The following ENOX1 variants were observed in gnomAD, a reference collection of about 807,000 sequenced individuals.
ENOX1 encodes the protein candidate growth-related and time keeping constitutive hydroquinone (NADH) oxidase.
Under a neutral mutation model 82.5 loss-of-function variants are expected in ENOX1, and 42 were observed. The observed-to-expected ratio is 0.51, with a 90% CI of 0.40 to 0.66. The LOEUF (loss-of-function observed/expected upper bound fraction) is 0.66, where lower values mean the gene tolerates loss of function less well. Among genes scored for constraint, ENOX1 ranks in the 30% least tolerant of loss-of-function variants. The pLI is 0.00. For missense variants in ENOX1, 608 were observed against 811.6 expected, an observed-to-expected ratio of 0.75 and a Z score of 3.05; for synonymous variants, 271 against 282.2, an observed-to-expected ratio of 0.96 and a Z score of 0.40.
At chr13:43,430,240 G>A (rs1312922391) in intron 3 of ENOX1, among the ~76,000 whole-genome samples, 1 of 152,158 alleles carries the variant, frequency 6.6e-6, no homozygotes, top group East Asian at 1.9e-4. Context: ...ACTCTTTAGT[G>A]TCCTCCCTTT....
chr13:43,545,148 A>G (rs538262961), intron 2 of ENOX1: 4 of 152,276 alleles, frequency 2.6e-5, no homozygotes, highest in East Asian at 3.9e-4. Flanking sequence ...ACAACCTTCA[A>G]TGGTATCTCT....
At chr13:43,688,180 G>A (rs2086171776) in intron 1 of ENOX1, among the ~76,000 whole-genome samples, 1 of 32,198 alleles carries the variant, frequency 3.1e-5, no homozygotes, top group African/African-American at 1.2e-4. Context: ...ACATAGATTT[G>A]GGAGTGGTAT....
At chr13:43,566,976 T>C (rs920929143) in intron 2 of ENOX1, among the ~76,000 whole-genome samples, 1 of 152,060 alleles carries the variant, frequency 6.6e-6, no homozygotes, top group Non-Finnish European at 1.5e-5. Context: ...AAAATAAGAA[T>C]GAGCAGAACA....
chr13:43,662,102 C>A (rs553163022), intron 2 of ENOX1, among the ~76,000 whole-genome samples: 1 of 152,240 alleles, frequency 6.6e-6, no homozygotes, highest in South Asian at 2.1e-4. Context: ...AGAAGAAAGG[C>A]ATTAAGAGAA....
intron 1 of ENOX1, among the ~76,000 whole-genome samples, chr13:43,710,535 T>G (rs1188887235): frequency 6.6e-6 from 1 of 152,128 alleles, no homozygotes; most frequent in Non-Finnish European, 1.5e-5. Flanking sequence ...TAATACTACC[T>G]GCTATCACTA....
chr13:43,668,790 G>A (rs1204047127), intron 1 of ENOX1, among the ~76,000 whole-genome samples: 2 of 152,156 alleles, frequency 1.3e-5, no homozygotes, highest in African/African-American at 4.8e-5. Context: ...ACACTGGGAA[G>A]GCTTCCTGAG....
intron 1 of ENOX1, among the ~76,000 whole-genome samples, chr13:43,736,359 A>G (rs940778952): frequency 6.6e-6 from 1 of 152,202 alleles, no homozygotes; most frequent in African/African-American, 2.4e-5. Flanking sequence ...ATTTTTTTCT[A>G]AAGTCAGAAT....
At chr13:43,243,799 T>C (rs2153463124) in intron 14 of ENOX1, among the ~76,000 whole-genome samples, 1 of 152,304 alleles carries the variant, frequency 6.6e-6, no homozygotes, top group East Asian at 1.9e-4. Context: ...ATTTTGGGCT[T>C]ACTCCTATCA....
chr13:43,400,128 A>G (rs147494606), intron 5 of ENOX1, among the ~76,000 whole-genome samples: 1 of 152,146 alleles, frequency 6.6e-6, no homozygotes, highest in Non-Finnish European at 1.5e-5. Context: ...GTGCCTGCCT[A>G]CTGGGAGGAC....
chr13:43,670,651 C>T (rs966971490), intron 1 of ENOX1, among the ~76,000 whole-genome samples: 1 of 151,910 alleles, frequency 6.6e-6, no homozygotes, highest in Non-Finnish European at 1.5e-5. Context: ...GTCAGGAGTT[C>T]GAGACCAACC....
chr13:43,647,830 C>T (rs1037415062), intron 2 of ENOX1, among the ~76,000 whole-genome samples: 3 of 152,186 alleles, frequency 2.0e-5, no homozygotes, highest in African/African-American at 7.2e-5. Flanking sequence ...TCCAAGTAAA[C>T]TCAATCTAAT....
intron 2 of ENOX1, among the ~76,000 whole-genome samples, chr13:43,576,268 C>T (rs917629085): frequency 6.6e-6 from 1 of 152,178 alleles, no homozygotes; most frequent in Non-Finnish European, 1.5e-5. Flanking sequence ...ATGCAATCTT[C>T]CTACTTCTGT....
chr13:43,653,185 A>G (rs1286396666), intron 2 of ENOX1, among the ~76,000 whole-genome samples: 1 of 152,250 alleles, frequency 6.6e-6, no homozygotes, highest in Admixed American at 6.5e-5. Flanking sequence ...ACCCCCAAGT[A>G]TACTGGACTG....
intron 15 of ENOX1, among the ~76,000 whole-genome samples, chr13:43,231,005 T>G (rs1412797876): frequency 6.6e-6 from 1 of 152,144 alleles, no homozygotes; most frequent in Non-Finnish European, 1.5e-5. Flanking sequence ...CTGGCTGAGA[T>G]TTGCTTTCTC....
chr13:43,270,521 G>T (rs1377186007), intron 12 of ENOX1, among the ~76,000 whole-genome samples: 3 of 152,288 alleles, frequency 2.0e-5, no homozygotes, highest in South Asian at 4.1e-4. Flanking sequence ...TTGACAAGCT[G>T]GCTGCAGAGC....
chr13:43,339,458 GCTTTTA>G (rs1428312117), intron 9 of ENOX1, among the ~76,000 whole-genome samples: 1 of 152,214 alleles, frequency 6.6e-6, no homozygotes, highest in Non-Finnish European at 1.5e-5. Context: ...GGACCCACAT[GCTTTTA>G]CCATGCTTTG....
chr13:43,726,042 C>T (rs1450303749), intron 1 of ENOX1, among the ~76,000 whole-genome samples: 1 of 151,722 alleles, frequency 6.6e-6, no homozygotes, highest in East Asian at 1.9e-4. Context: ...GATAACAATA[C>T]CATTTTTGTT....
intron 14 of ENOX1, 60 bp downstream of exon 14, chr13:43,265,338 T>A (rs2044306714): frequency 2.1e-6 from 3 of 1,421,328 alleles, no homozygotes; most frequent in African/African-American, 1.4e-5. Flanking sequence ...AAGTGCTACA[T>A]CCCCATGTGT....
chr13:43,639,679 T>C (rs1375575093), intron 2 of ENOX1, among the ~76,000 whole-genome samples: 10 of 152,250 alleles, frequency 6.6e-5, no homozygotes, highest in Non-Finnish European at 1.5e-4. Flanking sequence ...AAAAAACACA[T>C]ACTTCACATG....
Sources: gnomAD v4.1 joint callset for allele counts (sites outside exome capture counted in the v4.1 genomes callset) on GRCh38, gnomAD v4.1.1 for gene constraint, MANE v1.5 for transcripts, NCBI Gene and HGNC (gene_info 2026-07-23, HGNC 2026-07-21) for gene names.